VIM: variants seen among roughly 807,000 people sequenced by gnomAD.
VIM encodes the protein epididymis secretory sperm binding protein.
A neutral mutation model predicts 50.3 loss-of-function variants in VIM; 18 were observed. The ratio of observed to expected loss-of-function variants is 0.36; its 90% CI spans 0.25 to 0.53. VIM has a LOEUF of 0.53. VIM is among the 20% of genes least tolerant of loss of function. The pLI, the probability that VIM is intolerant of heterozygous loss-of-function variation, is 0.91. For synonymous variants in VIM, 245 were observed against 248.5 expected (o/e 0.99, Z 0.13); for missense variants, 551 against 614.7 (o/e 0.90, Z 1.10).
At position 17,229,992 on chromosome 10, in the gene VIM, C is replaced by T; in HGVS notation, c.563+7C>T. 6.2e-7 allele frequency: 1 copy of T among 1,607,182 alleles called. No homozygotes were observed. The highest frequency in any genetic ancestry group is 8.5e-7 in the Non-Finnish European group (1 of 1,177,584). Reference sequence around the variant, plus strand: ...TCATGCGCCTCCGGGAGAAGTAAGGCTGCGCCCATGCAAGTAGCTGGGCCT... The same window carrying T: ...TCATGCGCCTCCGGGAGAAGTAAGGTTGCGCCCATGCAAGTAGCTGGGCCT... On this transcript the variant is annotated splice_region_variant and intron_variant, in intron 2 of 9. Transcript: ENST00000544301.
At position 17,233,798 on chromosome 10, in the gene VIM, A is replaced by G. The variant is rs145152785; in HGVS notation, c.749A>G (p.Gln250Arg). 1.9e-4 allele frequency: 304 copies of G among 1,614,226 alleles called. 2 individuals are homozygous for G. The African/African-American group carries it at 3.6e-3, about 19-fold the overall frequency. ...EEIQELQAQI[Q>R]EQHVQIDVDV... The stretch of plus-strand genomic sequence containing the variant: ...ATCCAGGAGCTGCAGGCTCAGATTC[A>G]GGAACAGCATGTCCAAATCGATGTG... Residue 250 changes from glutamine (Q) to arginine (R), a missense_variant, in exon 5 of 10, where the codon CAG becomes CGG. Gln to Arg is a conservative substitution (Grantham distance 43). Transcript: ENST00000544301.
At chr10:17,233,710 A>G (rs762588654) in intron 4 of VIM, 28 bp downstream of exon 4, 2 of 1,614,174 alleles carry the variant, frequency 1.2e-6, no homozygotes, top group Non-Finnish European at 8.5e-7. Flanking sequence ...CGGGGAATGA[A>G]TGAGGGTAAG....
At position 17,235,236 on chromosome 10, in the gene VIM, A is replaced by G. The variant is rs1261710176; in HGVS notation, c.1076A>G (p.Gln359Arg). The change falls in exon 7 of 10, where the codon CAA becomes CGA. Residue 359 changes from glutamine to arginine, a missense_variant. Around this residue, in one of 3 missense-constraint regions of VIM, gnomAD observed 394 missense variants for 437.5 expected, o/e 0.90. Transcript: ENST00000544301. ...TTTGCCGTTGAAGCTGCTAACTACC[A>G]AGACACTATTGGCCGCCTGCAGGAT... ...ENFAVEAANY[Q>R]DTIGRLQDEI... is the part of the protein sequence containing the mutation. 8 of 1,614,074 alleles carry G rather than the reference A, an allele frequency of 5.0e-6. No individual in the cohort carries two copies. Among genetic ancestry groups the G allele is most frequent in the Admixed American group, 1.7e-5 (1 of 60,010 alleles).
Position 17,234,781 on chromosome 10 carries a change from A to G in VIM, c.971A>G (p.Gln324Arg), listed in dbSNP as rs779403092. The G allele has an allele frequency of 6.2e-7, 1 of 1,614,168 alleles. No individual in the cohort carries two copies. Among genetic ancestry groups the G allele is most frequent in the South Asian group, 1.1e-5 (1 of 91,084 alleles). ...TCCACTGAGTACCGGAGACAGGTGC[A>G]GTCCCTCACCTGTGAAGTGGATGCC... ...QESTEYRRQV[Q>R]SLTCEVDALK... Residue 324 changes from glutamine to arginine, a missense_variant, in exon 6 of 10, where the codon CAG becomes CGG. By Grantham distance (43) the Gln-to-Arg change is conservative. This residue lies in a region of VIM where 394 missense variants were observed against 437.5 expected (regional missense o/e 0.90). Coordinates refer to ENST00000544301, the MANE Select transcript of VIM (RefSeq NM_003380.5).
chr10:17,233,476 C>A, intron 3 of VIM, 111 bp from the exon 4 acceptor site: 1 of 1,087,820 alleles, frequency 9.2e-7, no homozygotes, highest in Non-Finnish European at 1.4e-6. Flanking sequence ...GTGTCAACGG[C>A]TTTTCTATAG....
In VIM at chr10:17,234,398, C is replaced by T. The variant is rs143293631; in HGVS notation, c.883-295C>T. ...CCAAAATGTTGGGATTACAGGCATG[C>T]GCCACCACGCCTGGCCACATCACCT... On this transcript the variant is annotated intron_variant, in intron 5 of 9. Coordinates refer to ENST00000544301, the MANE Select transcript of VIM (RefSeq NM_003380.5). 2.2e-3 allele frequency among the ~76,000 whole-genome samples: 335 copies of T among 152,222 alleles called. 2 individuals are homozygous for T. Among genetic ancestry groups the T allele is most frequent in the African/African-American group, 7.7e-3 (319 of 41,544 alleles).
At chr10:17,234,971 A>G (rs1166301933) in intron 6 of VIM, 153 bp downstream of exon 6, 4 of 1,299,716 alleles carry the variant, frequency 3.1e-6, no homozygotes, top group East Asian at 2.5e-5. Flanking sequence ...AAGGGACTTC[A>G]TGGAACTCTT....
In VIM at chr10:17,233,822, T is replaced by C; in HGVS notation, c.773T>C (p.Val258Ala). The change falls in exon 5 of 10, where the codon GTG (valine) becomes GCG (alanine). Residue 258 changes from valine to alanine, a missense_variant. Around this residue, in one of 3 missense-constraint regions of VIM, gnomAD observed 394 missense variants for 437.5 expected, o/e 0.90. Coordinates refer to ENST00000544301, the MANE Select transcript of VIM (RefSeq NM_003380.5). ...QIQEQHVQID[V>A]DVSKPDLTAA... ...CAGGAACAGCATGTCCAAATCGATG[T>C]GGATGTTTCCAAGCCTGACCTCACG... is the stretch of plus-strand genomic sequence containing the variant. 1 of 1,614,172 alleles carries C rather than the reference T, an allele frequency of 6.2e-7. No homozygotes were observed. Among genetic ancestry groups the C allele is most frequent in the East Asian group, 2.2e-5 (1 of 44,878 alleles).
intron 2 of VIM, 97 bp from the exon 3 acceptor site, chr10:17,230,553 C>A: frequency 1.5e-6 from 2 of 1,379,180 alleles, no homozygotes; most frequent in South Asian, 2.3e-5. Flanking sequence ...GGCGCAGCTG[C>A]TCTGGAGGCG....
chr10:17,234,448 C>A (rs1326198633), intron 5 of VIM, among the ~76,000 whole-genome samples: 3 of 152,130 alleles, frequency 2.0e-5, no homozygotes, highest in Non-Finnish European at 4.4e-5. Context: ...GACTCTCTTC[C>A]CCCTAACCTT....
At chr10:17,236,024 T>C in intron 8 of VIM, 135 bp downstream of exon 8, 1 of 1,009,226 alleles carries the variant, frequency 9.9e-7, no homozygotes, top group Non-Finnish European at 1.5e-6. Flanking sequence ...TCTATAATTT[T>C]CGAACCCAAG....
At chr10:17,233,441 T>C (rs1846829608) in intron 3 of VIM, 146 bp from the exon 4 acceptor site, 4 of 744,806 alleles carry the variant, frequency 5.4e-6, no homozygotes, top group African/African-American at 5.3e-5. Flanking sequence ...GAATGATTTA[T>C]AAACCTATTC....
At chr10:17,233,448 A>G (rs1846829886) in intron 3 of VIM, 139 bp from the exon 4 acceptor site, 1 of 779,972 alleles carries the variant, frequency 1.3e-6, no homozygotes, top group Admixed American at 2.1e-5. Flanking sequence ...TTATAAACCT[A>G]TTCCAGGGTC....
At chr10:17,230,815 A>T (rs754370566) in intron 3 of VIM, 105 bp downstream of exon 3, 5 of 1,341,292 alleles carry the variant, frequency 3.7e-6, no homozygotes, top group Non-Finnish European at 5.3e-6. Context: ...GCAAAACTTC[A>T]GGGCTGCGCG....
chr10:17,230,793 C>T (rs1475783267), intron 3 of VIM, 83 bp downstream of exon 3: 3 of 1,554,696 alleles, frequency 1.9e-6, no homozygotes, highest in Non-Finnish European at 2.7e-6. Context: ...GCTTAACTCA[C>T]GTCTAAAAAG....
At chr10:17,235,935 C>T in intron 8 of VIM, 46 bp downstream of exon 8, 1 of 1,561,400 alleles carries the variant, frequency 6.4e-7, no homozygotes, top group Non-Finnish European at 8.8e-7. Flanking sequence ...CTGCTTGTAA[C>T]CACTGTGTTT....
chr10:17,234,095 A>G, intron 5 of VIM, 164 bp downstream of exon 5: 1 of 738,660 alleles, frequency 1.4e-6, no homozygotes, highest in East Asian at 2.7e-5. Context: ...CACTCACATC[A>G]CCTCCTTTAT....
intron 3 of VIM, among the ~76,000 whole-genome samples, chr10:17,232,156 G>A (rs2131681496): frequency 6.6e-6 from 1 of 152,212 alleles, no homozygotes; most frequent in South Asian, 2.1e-4. Flanking sequence ...TCTTTCTTTG[G>A]AGGTTAGTAA....
At chr10:17,235,117 C>A (rs1846863589) in intron 6 of VIM, 52 bp from the exon 7 acceptor site, 1 of 1,597,836 alleles carries the variant, frequency 6.3e-7, no homozygotes, top group Admixed American at 1.7e-5. Context: ...GTTCTGGGAA[C>A]AGCTGGGTTT....
Sources: gnomAD v4.1 joint callset for allele counts (sites outside exome capture counted in the v4.1 genomes callset) on GRCh38, gnomAD v4.1.1 for gene constraint, gnomAD v4.1.1 regional missense constraint, MANE v1.5 for transcripts, NCBI Gene and HGNC (gene_info 2026-07-23, HGNC 2026-07-21) for gene names.